The following OAS3 variants were observed in gnomAD, a reference collection of about 807,000 sequenced individuals.
OAS3 encodes 2'-5'-oligoadenylate synthetase 3.
A neutral mutation model predicts 113.0 loss-of-function variants in OAS3; 107 were observed. That is an observed-to-expected ratio of 0.95 (90% CI 0.81 to 1.11). The LOEUF (loss-of-function observed/expected upper bound fraction) is 1.11, where lower values mean the gene tolerates loss of function less well. OAS3 is among the 50% of genes most tolerant of loss of function. The pLI, the probability that OAS3 is intolerant of heterozygous loss-of-function variation, is 0.00. For missense variants in OAS3, 1,258 were observed against 1,389.1 expected (o/e 0.91, Z 1.50); for synonymous variants, 552 against 573.6 (o/e 0.96, Z 0.54).
At chr12:112,955,531 G>C (rs987242390) in intron 7 of OAS3, among the ~76,000 whole-genome samples, 2 of 152,122 alleles carry the variant, frequency 1.3e-5, no homozygotes, top group Non-Finnish European at 1.5e-5. Flanking sequence ...TAGCATGAAG[G>C]GCTGTTGAAT....
Position 112,948,502 on chromosome 12 carries a change from C to CAAAAA in OAS3, c.1030-343_1030-339dup, listed in dbSNP as rs35812521. Among the ~76,000 whole-genome samples the CAAAAA allele has an allele frequency of 2.0e-5, 2 of 99,468 alleles. 1 individual carries two copies. Among genetic ancestry groups the CAAAAA allele is most frequent in the Admixed American group, 2.3e-4 (2 of 8,664 alleles). The allele number at this position is 99,468 out of a possible 152,430, so 65.3% of individuals were successfully genotyped here. A position where few individuals can be genotyped will look rare whatever the true frequency, so the allele number is the denominator to read the frequency against. Reference sequence around the variant, plus strand: ...TGGGTGACAGAGTAAGACTCCGTCCCAAAAAAAAAAAAAAAAAAAATGCAC... The same window carrying CAAAAA: ...TGGGTGACAGAGTAAGACTCCGTCCCAAAAAAAAAAAAAAAAAAAAAAAAATGCAC... On this transcript the variant is annotated intron_variant, in intron 5 of 15. Transcript: ENST00000228928.
intron 7 of OAS3, among the ~76,000 whole-genome samples, chr12:112,952,378 A>G (rs2043800470): frequency 6.6e-6 from 1 of 152,046 alleles, no homozygotes; most frequent in Admixed American, 6.5e-5. Context: ...TCTACTCTTT[A>G]TTTACTAGCA....
intron 2 of OAS3, 113 bp from the exon 3 acceptor site, chr12:112,944,363 C>T: frequency 8.8e-7 from 1 of 1,132,676 alleles, no homozygotes; most frequent in South Asian, 1.3e-5. Context: ...ATTTCTTCCC[C>T]TCTGAATTCT....
At chr12:112,947,018 C>A (rs762322365) in intron 4 of OAS3, 37 bp downstream of exon 4, 4 of 1,560,230 alleles carry the variant, frequency 2.6e-6, no homozygotes, top group Non-Finnish European at 3.5e-6. Flanking sequence ...TCTCCTGTCC[C>A]GGGGCCAGGG....
chr12:112,962,559 T>C, intron 8 of OAS3, 93 bp from the exon 9 acceptor site: 1 of 1,436,132 alleles, frequency 7.0e-7, no homozygotes, highest in Non-Finnish European at 9.5e-7. Flanking sequence ...TGCGCTTCTA[T>C]TTTCTATATT....
At chr12:112,948,207 C>T in intron 5 of OAS3, 108 bp downstream of exon 5, 1 of 1,121,346 alleles carries the variant, frequency 8.9e-7, no homozygotes, top group South Asian at 2.5e-5. Context: ...CTTTAAAAAG[C>T]AGGGGTGGCC....
chr12:112,945,297 G>A (rs2043718027), intron 3 of OAS3: 1 of 132,146 alleles, frequency 7.6e-6, no homozygotes, highest in Non-Finnish European at 1.5e-5. Context: ...GGGTGACAGA[G>A]CCAGACTCCA....
intron 15 of OAS3, 67 bp downstream of exon 15, chr12:112,969,822 G>T (rs1337772272): frequency 6.3e-7 from 1 of 1,597,674 alleles, no homozygotes; most frequent in East Asian, 2.2e-5. Flanking sequence ...TCAGGGGAGG[G>T]ACATGATTCC....
intron 14 of OAS3, chr12:112,969,368 G>T (rs2043963338): frequency 3.6e-6 from 2 of 559,394 alleles, no homozygotes; most frequent in East Asian, 6.0e-5. Context: ...ATAAGGAAGG[G>T]GTAAGCGGTA....
At chr12:112,947,224 A>G (rs1276333124) in intron 4 of OAS3, among the ~76,000 whole-genome samples, 2 of 152,166 alleles carry the variant, frequency 1.3e-5, no homozygotes, top group Non-Finnish European at 2.9e-5. Flanking sequence ...TTGCTGATGT[A>G]TAGCAGAAAG....
intron 6 of OAS3, among the ~76,000 whole-genome samples, 191 bp downstream of exon 6, chr12:112,949,396 A>G (rs1449443174): frequency 1.3e-5 from 2 of 152,132 alleles, no homozygotes; most frequent in African/African-American, 4.8e-5. Context: ...TACAGTTTTT[A>G]AAACACTATT....
At position 112,964,450 on chromosome 12, in the gene OAS3, C is replaced by G. The variant is rs374241810; in HGVS notation, c.2403+42C>G. ...CTGTAGGCAAGCAGTGTCCTGCAAG[C>G]TGGTGATCTCTCCCAGCCCAGGGCC... On this transcript the variant is annotated intron_variant, in intron 11 of 15. Coordinates refer to ENST00000228928, the MANE Select transcript of OAS3 (RefSeq NM_006187.4). The G allele has an allele frequency of 1.9e-6, 3 of 1,579,872 alleles. No individual in the cohort carries two copies. In the African/African-American group the frequency reaches 4.0e-5, roughly 21 times the overall value.
intron 8 of OAS3, among the ~76,000 whole-genome samples, chr12:112,961,562 T>C (rs2043886247): frequency 6.6e-6 from 1 of 152,154 alleles, no homozygotes; most frequent in African/African-American, 2.4e-5. Context: ...GCTTATGATA[T>C]TACCCCCACC....
rs62623451 is a variant in OAS3, at chr12:112,938,675, G to A, written c.145G>A (p.Ala49Thr). The A allele has an allele frequency of 1.4e-3, 2,222 of 1,582,552 alleles. 31 individuals are homozygous for A. The African/African-American group carries it at 0.027, about 19-fold the overall frequency. Residue 49 changes from alanine (A) to threonine (T), a missense_variant, in exon 1 of 16, where the codon GCT (alanine) becomes ACT (threonine). Transcript: ENST00000228928. Reference protein sequence around the residue: ...ALRERGGRLGAAAPRVLKTVK... With the variant: ...ALRERGGRLGTAAPRVLKTVK... ...GAGGGAGCGCGGGGGCCGCCTCGGT[G>A]CTGCTGCCCCGCGGGTGCTGAAAAC...
At chr12:112,965,686 A>C in intron 11 of OAS3, 58 bp from the exon 12 acceptor site, 1 of 1,525,612 alleles carries the variant, frequency 6.6e-7, no homozygotes, top group Admixed American at 1.9e-5. Context: ...CTCACAGTCC[A>C]GAACCGACAG....
Position 112,969,725 on chromosome 12 carries a change from T to C in OAS3, c.3222T>C (p.Asn1074=). The part of the protein sequence containing the change: ...CTSALCCMGR[N]GIPIQPWPVK... ...CTGCCCTGTGCTGCATGGGACGGAA[T>C]GGCATCCCCATCCAGCCATGGCCAG... is the stretch of plus-strand genomic sequence containing the variant. The change falls in exon 15 of 16, where the codon AAT becomes AAC. Residue 1074 remains asparagine (N), a synonymous_variant. Transcript: ENST00000228928. 1 of 1,613,468 alleles carries C rather than the reference T, an allele frequency of 6.2e-7. No individual in the cohort carries two copies. The highest frequency in any genetic ancestry group is 8.5e-7 in the Non-Finnish European group (1 of 1,179,726).
rs2043816249 is a variant in OAS3, at chr12:112,954,368, G to T, written c.1657+3393G>T. The stretch of plus-strand genomic sequence containing the variant: ...TGCAGTGACGCGATCTCGGCTCACT[G>T]CAAGCTCCACCTCCCAGGTTCACAC... On this transcript the variant is annotated intron_variant, in intron 7 of 15. Coordinates refer to ENST00000228928, the MANE Select transcript of OAS3 (RefSeq NM_006187.4). The surrounding 1 kb of genome is among the most constrained non-coding windows in gnomAD (Gnocchi z 4.0). Among the ~76,000 whole-genome samples the T allele has an allele frequency of 1.3e-5, 2 of 152,094 alleles. No individual in the cohort carries two copies. The highest frequency in any genetic ancestry group is 2.1e-4 in the South Asian group (1 of 4,824).
At chr12:112,955,315 CT>C (rs2043823378) in intron 7 of OAS3, among the ~76,000 whole-genome samples, 1 of 152,312 alleles carries the variant, frequency 6.6e-6, no homozygotes, top group Non-Finnish European at 1.5e-5. Context: ...CCCTTTATTT[CT>C]TTCTCCTGCC....
rs1276522219 is a variant in OAS3 at position 112,952,224 on chromosome 12, G to T, written c.1657+1249G>T. Among the ~76,000 whole-genome samples, 22 of 152,138 alleles carry T rather than the reference G, an allele frequency of 1.4e-4. 1 individual carries two copies. The highest frequency in any genetic ancestry group is 1.4e-3 in the Admixed American group (22 of 15,278). On this transcript the variant is annotated intron_variant, in intron 7 of 15. Coordinates refer to ENST00000228928, the MANE Select transcript of OAS3 (RefSeq NM_006187.4). The stretch of plus-strand genomic sequence containing the variant: ...GCTATGTTATTGGGAACATATAAGT[G>T]CATAATATTATATTTTATTGGATTG...
Sources: gnomAD v4.1 joint callset for allele counts (sites outside exome capture counted in the v4.1 genomes callset) on GRCh38, gnomAD v4.1.1 for gene constraint, Gnocchi (gnomAD v3.1) non-coding constraint, MANE v1.5 for transcripts, NCBI Gene and HGNC (gene_info 2026-07-23, HGNC 2026-07-21) for gene names.